NUDT19: variants seen among roughly 807,000 people sequenced by gnomAD.
NUDT19 encodes the protein acyl-coenzyme A diphosphatase NUDT19.
A neutral mutation model predicts 22.2 loss-of-function variants in NUDT19; 31 were observed. The observed-to-expected ratio is 1.40, with a 90% CI of 1.05 to 1.89. NUDT19 has a LOEUF of 1.89. Among genes scored for constraint, NUDT19 ranks in the 40% most tolerant of loss-of-function variants. The pLI is 0.00. For missense variants in NUDT19, 752 were observed against 514.2 expected (o/e 1.46, Z -4.47); for synonymous variants, 325 against 230.8 (o/e 1.41, Z -3.70).
intron 1 of NUDT19, 55 bp downstream of exon 1, chr19:32,692,729 C>G (rs1599794857): frequency 1.5e-6 from 2 of 1,345,070 alleles, no homozygotes; most frequent in East Asian, 2.8e-5. Context: ...AGGGAGGACC[C>G]CTCCCAGCGG....
intron 1 of NUDT19, among the ~76,000 whole-genome samples, chr19:32,703,444 G>A (rs1968355870): frequency 6.6e-6 from 1 of 152,054 alleles, no homozygotes; most frequent in Admixed American, 6.6e-5. Context: ...TGCCTTCTGG[G>A]TTCAAGTGAT....
chr19:32,692,186 T>G lies in NUDT19; in HGVS notation c.226T>G (p.Trp76Gly). 6.4e-7 allele frequency: 1 copy of G among 1,550,898 alleles called. No homozygotes were observed. Among genetic ancestry groups the G allele is most frequent in the Non-Finnish European group, 8.6e-7 (1 of 1,160,506 alleles). Residue 76 changes from tryptophan (W) to glycine (G), a missense_variant, in exon 1 of 3, where the codon TGG becomes GGG. Transcript: ENST00000397061. ...GGATGCGGCCGACCGCTCGGCGGAC[T>G]GGCTGGGCCTCTTCGCGCCGCACCA... ...VLDAADRSAD[W>G]LGLFAPHHGP...
At chr19:32,698,755 C>T (rs2145359469) in intron 1 of NUDT19, among the ~76,000 whole-genome samples, 2 of 152,306 alleles carry the variant, frequency 1.3e-5, no homozygotes, top group South Asian at 4.1e-4. Context: ...TCTCGAAAAC[C>T]TGCGCCCTTT....
chr19:32,707,406 C>T (rs931621422), intron 1 of NUDT19, among the ~76,000 whole-genome samples: 2 of 152,148 alleles, frequency 1.3e-5, no homozygotes, highest in Admixed American at 1.3e-4. Context: ...TCACAGACTT[C>T]TCAGTCAATG....
chr19:32,704,714 A>T (rs543211722), intron 1 of NUDT19, among the ~76,000 whole-genome samples: 1 of 152,064 alleles, frequency 6.6e-6, no homozygotes, highest in Admixed American at 6.6e-5. Context: ...GTTTTGGATG[A>T]CGTTTTCCCA....
At chr19:32,702,560 A>G (rs1227145349) in intron 1 of NUDT19, among the ~76,000 whole-genome samples, 1 of 152,146 alleles carries the variant, frequency 6.6e-6, no homozygotes, top group Admixed American at 6.5e-5. Flanking sequence ...GTGAGCCAAG[A>G]TCATGCCACT....
chr19:32,712,115 C>T lies in NUDT19; in HGVS notation c.*158C>T. ...TTCGAGACAGAGTCTCAATCTGTCG[C>T]CCAGGCTGGAGTGCAGTGGCATGAT... On this transcript the variant is annotated 3_prime_UTR_variant, in exon 3 of 3. Transcript: ENST00000397061. 1 of 613,356 alleles carries T rather than the reference C, an allele frequency of 1.6e-6. No individual in the cohort carries two copies. 38.0% of individuals were successfully genotyped at this position (613,356 alleles called of 1,614,324 possible). A position where few individuals can be genotyped will look rare whatever the true frequency, so the allele number is the denominator to read the frequency against.
In NUDT19 at chr19:32,703,531, T is replaced by G. The variant is rs548592732; in HGVS notation, c.715-5654T>G. ...TGGCCAGCCAATTTTGTATTTTCAG[T>G]AGAGATGGGGTTTCTCCATGTTGGT... On this transcript the variant is annotated intron_variant, in intron 1 of 2. Transcript: ENST00000397061. Among the ~76,000 whole-genome samples the G allele has an allele frequency of 6.6e-5, 10 of 150,716 alleles. No individual in the cohort carries two copies. The East Asian group carries it at 1.8e-3, about 27-fold the overall frequency.
chr19:32,692,655 C>A lies in NUDT19; in HGVS notation c.695C>A (p.Ala232Glu), dbSNP rs1555753239. ...CCGCCGCCCGTCTACCCCGACTTGG[C>A]GGAGGTGGTGGGCTACCAGGTAAGG... ...REPPPVYPDL[A>E]EVVGYQWSSP... is the part of the protein sequence containing the mutation. The change falls in exon 1 of 3, where the codon GCG becomes GAG. Residue 232 changes from alanine to glutamate, a missense_variant. Coordinates refer to ENST00000397061, the MANE Select transcript of NUDT19 (RefSeq NM_001105570.2). The A allele has an allele frequency of 2.3e-5, 35 of 1,514,280 alleles. No individual in the cohort carries two copies. The South Asian group carries it at 4.4e-4, about 19-fold the overall frequency. The allele number at this position is 1,514,280 out of a possible 1,614,324, so 93.8% of individuals were successfully genotyped here.
chr19:32,704,825 G>A lies in NUDT19; in HGVS notation c.715-4360G>A, dbSNP rs147297100. ...ATTCCTTAAAGAGTATTGGACTTTG[G>A]GCCGGGCATGGTGGTTCACACCTAT... is the stretch of plus-strand genomic sequence containing the variant. On this transcript the variant is annotated intron_variant, in intron 1 of 2. Transcript: ENST00000397061. Among the ~76,000 whole-genome samples, 6 of 152,054 alleles carry A rather than the reference G, an allele frequency of 3.9e-5. No individual in the cohort carries two copies. In the East Asian group the frequency reaches 1.2e-3, roughly 30 times the overall value.
In NUDT19 at chr19:32,692,226, T is replaced by A. The variant is rs947596400; in HGVS notation, c.266T>A (p.Phe89Tyr). ...GCGCCGCACCACGGGCCGCCGCGCT[T>A]CGGCCTGGGCCCGGCGCCATTCAGC... ...LFAPHHGPPRFGLGPAPFSRT... is the reference protein window; with the variant it reads ...LFAPHHGPPRYGLGPAPFSRT... The change falls in exon 1 of 3, where the codon TTC becomes TAC. Residue 89 changes from phenylalanine (F) to tyrosine (Y), a missense_variant. Coordinates refer to ENST00000397061, the MANE Select transcript of NUDT19 (RefSeq NM_001105570.2). 6.3e-7 allele frequency: 1 copy of A among 1,585,392 alleles called. No individual in the cohort carries two copies. The highest frequency in any genetic ancestry group is 1.4e-5 in the African/African-American group (1 of 72,784).
chr19:32,708,707 A>T (rs1968414289), intron 1 of NUDT19, among the ~76,000 whole-genome samples: 1 of 152,080 alleles, frequency 6.6e-6, no homozygotes, highest in Admixed American at 6.6e-5. Flanking sequence ...ATCACAAAGC[A>T]TTTTGGTTGC....
intron 1 of NUDT19, among the ~76,000 whole-genome samples, chr19:32,697,839 G>A (rs1321413565): frequency 6.6e-6 from 1 of 152,186 alleles, no homozygotes; most frequent in Admixed American, 6.5e-5. Flanking sequence ...TCATCTGAAA[G>A]CTTCCCAAGG....
At position 32,709,399 on chromosome 19, in the gene NUDT19, CAGTGAAGCATCGGTGCTTTTGTT is replaced by C. The variant is rs1347411175; in HGVS notation, c.922+11_922+33del. 6.2e-7 allele frequency: 1 copy of C among 1,612,008 alleles called. No individual in the cohort carries two copies. Among genetic ancestry groups the C allele is most frequent in the African/African-American group, 1.3e-5 (1 of 75,030 alleles). The stretch of plus-strand genomic sequence containing the variant: ...ATGGTCCATCTTTTACCAGGTAAAC[CAGTGAAGCATCGGTGCTTTTGTT>C]AGTATTCACATTCAGTGCCCTGGGC... On this transcript the variant is annotated splice_region_variant and intron_variant, in intron 2 of 2. Transcript: ENST00000397061.
At position 32,692,213 on chromosome 19, in the gene NUDT19, G is replaced by C. The variant is rs538951233; in HGVS notation, c.253G>C (p.Gly85Arg). 2.5e-6 allele frequency: 4 copies of C among 1,581,338 alleles called. No individual in the cohort carries two copies. Among genetic ancestry groups the C allele is most frequent in the Middle Eastern group, 1.7e-4 (1 of 5,944 alleles). The change falls in exon 1 of 3, where the codon GGG (glycine) becomes CGG (arginine). Residue 85 changes from glycine to arginine, a missense_variant. By Grantham distance (125) the Gly-to-Arg change is moderately radical. Coordinates refer to ENST00000397061, the MANE Select transcript of NUDT19 (RefSeq NM_001105570.2). ...DWLGLFAPHHGPPRFGLGPAP... is the reference protein window; with the variant it reads ...DWLGLFAPHHRPPRFGLGPAP... ...GCTGGGCCTCTTCGCGCCGCACCAC[G>C]GGCCGCCGCGCTTCGGCCTGGGCCC...
At chr19:32,699,341 G>A (rs1176959957) in intron 1 of NUDT19, among the ~76,000 whole-genome samples, 4 of 152,230 alleles carry the variant, frequency 2.6e-5, no homozygotes, top group Admixed American at 6.5e-5. Flanking sequence ...GGATAGATGG[G>A]TGAGTCTCGC....
Position 32,705,646 on chromosome 19 carries a change from G to A in NUDT19, c.715-3539G>A, listed in dbSNP as rs757256468. 2.6e-4 allele frequency among the ~76,000 whole-genome samples: 39 copies of A among 150,386 alleles called. 1 individual carries two copies. Among genetic ancestry groups the A allele is most frequent in the Admixed American group, 2.3e-3 (34 of 15,090 alleles). The stretch of plus-strand genomic sequence containing the variant: ...GCCACCCAGGCTGGAGTGCAGTGGC[G>A]TGGTCTTGGCTCACTGCAACCTCCT... On this transcript the variant is annotated intron_variant, in intron 1 of 2. Coordinates refer to ENST00000397061, the MANE Select transcript of NUDT19 (RefSeq NM_001105570.2).
At chr19:32,705,012 C>A (rs1968372819) in intron 1 of NUDT19, among the ~76,000 whole-genome samples, 1 of 145,068 alleles carries the variant, frequency 6.9e-6, no homozygotes. Flanking sequence ...GGGGCCAAGG[C>A]AGAAGAATCG....
At chr19:32,703,770 C>G (rs1277282473) in intron 1 of NUDT19, among the ~76,000 whole-genome samples, 2 of 142,138 alleles carry the variant, frequency 1.4e-5, no homozygotes, top group African/African-American at 5.2e-5. Context: ...TCAAGTGATT[C>G]TCCTGCCTCA....
Sources: gnomAD v4.1 joint callset for allele counts (sites outside exome capture counted in the v4.1 genomes callset) on GRCh38, gnomAD v4.1.1 for gene constraint, MANE v1.5 for transcripts, NCBI Gene and HGNC (gene_info 2026-07-23, HGNC 2026-07-21) for gene names.